BCAS3: variants seen among roughly 807,000 people sequenced by gnomAD.
BCAS3 encodes the protein BCAS4/BCAS3 fusion.
Under a neutral mutation model 116.1 loss-of-function variants are expected in BCAS3, and 53 were observed. The ratio of observed to expected loss-of-function variants is 0.46; its 90% CI spans 0.37 to 0.57. BCAS3 has a LOEUF of 0.57. Ranked by LOEUF, BCAS3 falls within the 20% of genes least tolerant of loss-of-function variation. The pLI, the probability that BCAS3 is intolerant of heterozygous loss-of-function variation, is 0.00. For synonymous variants in BCAS3, 391 were observed against 408.2 expected (o/e 0.96, Z 0.51); for missense variants, 917 against 1,165.4 (o/e 0.79, Z 3.10).
At chr17:61,069,804 C>T in intron 19 of BCAS3, 1 of 719,200 alleles carries the variant, frequency 1.4e-6, no homozygotes, top group African/African-American at 1.8e-5. Flanking sequence ...CCACTGCACT[C>T]CAGCCTGGGT....
chr17:61,183,466 C>T (rs1157992086), intron 22 of BCAS3, among the ~76,000 whole-genome samples: 1 of 152,004 alleles, frequency 6.6e-6, no homozygotes, highest in Non-Finnish European at 1.5e-5. Context: ...ATGTCTCAAG[C>T]TAAGCATTGT....
At chr17:61,079,000 A>G (rs1568305254) in intron 21 of BCAS3, among the ~76,000 whole-genome samples, 1 of 152,184 alleles carries the variant, frequency 6.6e-6, no homozygotes, top group Non-Finnish European at 1.5e-5. Flanking sequence ...ATATTTTTAT[A>G]ATACATGTTC....
chr17:61,270,511 C>T (rs7219201), intron 22 of BCAS3, among the ~76,000 whole-genome samples: 129,526 of 152,084 alleles, frequency 0.85, 55,319 homozygotes, highest in African/African-American at 0.91. Context: ...TCATCAGATA[C>T]ACAGTTTGCA....
Position 61,390,017 on chromosome 17 carries a change from G to A in BCAS3, c.2594-1960G>A, listed in dbSNP as rs2060049575. 1 of 152,332 alleles carries A rather than the reference G, an allele frequency of 6.6e-6. No individual in the cohort carries two copies. Among genetic ancestry groups the A allele is most frequent in the African/African-American group, 2.4e-5 (1 of 41,462 alleles). The allele number at this position is 152,332 out of a possible 1,614,324, so 9.4% of individuals were successfully genotyped here. ...GGTGGCCCTGCCTGCTCCTTCCTCG[G>A]GGGCTTTCTTCCTTAGGCCTGGCGG... is the stretch of plus-strand genomic sequence containing the variant. On this transcript the variant is annotated intron_variant, in intron 23 of 23. Transcript: ENST00000407086. The surrounding 1 kb of genome is among the most constrained non-coding windows in gnomAD (Gnocchi z 6.8).
intron 22 of BCAS3, among the ~76,000 whole-genome samples, chr17:61,155,281 A>G (rs2077766866): frequency 6.6e-6 from 1 of 152,174 alleles, no homozygotes; most frequent in Admixed American, 6.5e-5. Context: ...GACAAATACT[A>G]GTGGGCCAAC....
chr17:61,254,280 C>T (rs571697059), intron 22 of BCAS3, among the ~76,000 whole-genome samples: 10 of 152,268 alleles, frequency 6.6e-5, no homozygotes, highest in African/African-American at 2.2e-4. Context: ...ACACTTCTGC[C>T]GTAAAGAGGG....
intron 22 of BCAS3, among the ~76,000 whole-genome samples, chr17:61,294,803 G>A (rs1378252372): frequency 6.6e-6 from 1 of 152,168 alleles, no homozygotes; most frequent in Non-Finnish European, 1.5e-5. Context: ...TGGTCTTTGG[G>A]ATGAGCTCAG....
intron 7 of BCAS3, among the ~76,000 whole-genome samples, chr17:60,840,532 G>A (rs144669118): frequency 3.3e-5 from 5 of 152,200 alleles, no homozygotes; most frequent in African/African-American, 1.2e-4. Flanking sequence ...ATACTTAGTT[G>A]TACATAGCTA....
chr17:61,197,930 A>G (rs1345979569), intron 22 of BCAS3, among the ~76,000 whole-genome samples: 2 of 152,156 alleles, frequency 1.3e-5, no homozygotes, highest in Non-Finnish European at 1.5e-5. Context: ...GGTCATTTCC[A>G]TAGATAAGTA....
chr17:60,691,891 T>C (rs1370220246), intron 4 of BCAS3, among the ~76,000 whole-genome samples: 3 of 152,078 alleles, frequency 2.0e-5, no homozygotes, highest in Admixed American at 6.6e-5. Context: ...TGATTGTTTA[T>C]GATATCCATG....
In BCAS3 at chr17:61,227,832, G is replaced by A. The variant is rs1452687833; in HGVS notation, c.2426-140495G>A. 6.6e-6 allele frequency among the ~76,000 whole-genome samples: 1 copy of A among 152,124 alleles called. No homozygotes were observed. The highest frequency in any genetic ancestry group is 1.5e-5 in the Non-Finnish European group (1 of 68,034). Reference sequence around the variant, plus strand: ...GATTTTATGTAAAATTTGTACTAAGGTTAAACATTGAAAGAGAATTTTGCA... The same window carrying A: ...GATTTTATGTAAAATTTGTACTAAGATTAAACATTGAAAGAGAATTTTGCA... On this transcript the variant is annotated intron_variant, in intron 22 of 23. Coordinates refer to ENST00000407086, the MANE Select transcript of BCAS3 (RefSeq NM_017679.5). The surrounding 1 kb of genome is among the most constrained non-coding windows in gnomAD (Gnocchi z 6.1).
At chr17:61,328,737 G>A (rs951186438) in intron 22 of BCAS3, among the ~76,000 whole-genome samples, 1 of 152,112 alleles carries the variant, frequency 6.6e-6, no homozygotes, top group African/African-American at 2.4e-5. Flanking sequence ...CTGCACTCCA[G>A]CCTGGATGAC....
rs2082946101 is a variant in BCAS3, at chr17:61,235,211, A to G, written c.2426-133116A>G. On this transcript the variant is annotated intron_variant, in intron 22 of 23. Transcript: ENST00000407086. This position sits in a 1 kb window ranked among gnomAD's most constrained non-coding sequence, Gnocchi z 5.0. ...TGTCTGCCCCCCGCCTGTCCTAAGC[A>G]CTTTAAATGTGTCAACTCATTTGGT... Among the ~76,000 whole-genome samples the G allele has an allele frequency of 6.6e-6, 1 of 152,150 alleles. No individual in the cohort carries two copies. The highest frequency in any genetic ancestry group is 1.5e-5 in the Non-Finnish European group (1 of 68,024).
At chr17:61,321,246 T>C (rs1368109588) in intron 22 of BCAS3, among the ~76,000 whole-genome samples, 1 of 152,334 alleles carries the variant, frequency 6.6e-6, no homozygotes, top group South Asian at 2.1e-4. Context: ...TGAATAGATA[T>C]GGCATGAAAT....
chr17:60,861,342 A>T (rs372257886), intron 7 of BCAS3, among the ~76,000 whole-genome samples: 2 of 152,192 alleles, frequency 1.3e-5, no homozygotes. Context: ...CATTGATTTT[A>T]TATCCTGAAA....
At chr17:60,774,432 T>C (rs2045070811) in intron 6 of BCAS3, among the ~76,000 whole-genome samples, 1 of 152,212 alleles carries the variant, frequency 6.6e-6, no homozygotes, top group Non-Finnish European at 1.5e-5. Context: ...TTGATTCTGT[T>C]GATTGATTTT....
At chr17:60,890,883 T>G (rs528614022) in intron 10 of BCAS3, among the ~76,000 whole-genome samples, 5 of 152,218 alleles carry the variant, frequency 3.3e-5, no homozygotes, top group African/African-American at 1.2e-4. Flanking sequence ...AGTAGTTATT[T>G]GGTAAAGCCA....
chr17:61,382,422 A>G (rs1489978582), intron 23 of BCAS3, among the ~76,000 whole-genome samples: 1 of 150,446 alleles, frequency 6.6e-6, no homozygotes, highest in Non-Finnish European at 1.5e-5. Context: ...CACCACACCC[A>G]GCTAATTTTT....
intron 22 of BCAS3, among the ~76,000 whole-genome samples, chr17:61,330,989 G>A (rs1222469741): frequency 1.3e-5 from 2 of 152,256 alleles, no homozygotes; most frequent in Non-Finnish European, 2.9e-5. Flanking sequence ...CGGTGAGTGT[G>A]CACTAGCACA....
Sources: gnomAD v4.1 joint callset for allele counts (sites outside exome capture counted in the v4.1 genomes callset) on GRCh38, gnomAD v4.1.1 for gene constraint, Gnocchi (gnomAD v3.1) non-coding constraint, MANE v1.5 for transcripts, NCBI Gene and HGNC (gene_info 2026-07-23, HGNC 2026-07-21) for gene names.